The following AGGF1 variants were observed in gnomAD, a reference collection of about 807,000 sequenced individuals.
AGGF1 encodes angiogenic factor with G patch and FHA domains 1.
AGGF1 carries 56 observed loss-of-function variants against 86.5 expected under a neutral mutation model. The ratio of observed to expected loss-of-function variants is 0.65; its 90% CI spans 0.52 to 0.81. The LOEUF (loss-of-function observed/expected upper bound fraction) is 0.81, where lower values mean the gene tolerates loss of function less well. AGGF1 is among the 30% of genes least tolerant of loss of function. AGGF1 has a pLI of 0.00. For missense variants in AGGF1, 816 were observed against 850.9 expected (o/e 0.96, Z 0.51); for synonymous variants, 313 against 297.1 (o/e 1.05, Z -0.55).
chr5:77,032,289 T>C (rs903344880), intron 1 of AGGF1, among the ~76,000 whole-genome samples: 40 of 142,398 alleles, frequency 2.8e-4, no homozygotes, highest in African/African-American at 9.7e-4. Flanking sequence ...GAGAGGTGGC[T>C]GGGCGCGGTG....
intron 8 of AGGF1, among the ~76,000 whole-genome samples, chr5:77,049,724 G>A (rs1747335382): frequency 6.6e-6 from 1 of 151,854 alleles, no homozygotes; most frequent in Non-Finnish European, 1.5e-5. Flanking sequence ...TAATCTTTAT[G>A]TATTTCATAG....
At position 77,048,936 on chromosome 5, in the gene AGGF1, A is replaced by G. The variant is rs1297705644; in HGVS notation, c.1314A>G (p.Arg438=). ...AAAGACACTTTACTTAACTCTGCAG[A>G]GAAAAGGATATGGAACATACTCTCC... ...ITAVNPATIG[R]EKDMEHTLRI... The change falls in exon 8 of 14, where the codon AGA becomes AGG. Residue 438 remains arginine, a splice_region_variant and synonymous_variant. Transcript: ENST00000312916. 1.2e-6 allele frequency: 2 copies of G among 1,613,582 alleles called. No individual in the cohort carries two copies. Among genetic ancestry groups the G allele is most frequent in the Admixed American group, 1.7e-5 (1 of 60,000 alleles).
chr5:77,055,677 A>T, intron 11 of AGGF1, 81 bp downstream of exon 11: 1 of 922,556 alleles, frequency 1.1e-6, no homozygotes, highest in Non-Finnish European at 1.7e-6. Context: ...TGCTCAGTAC[A>T]TTTTATATAT....
intron 1 of AGGF1, among the ~76,000 whole-genome samples, chr5:77,031,569 G>A (rs1746854688): frequency 6.6e-6 from 1 of 152,142 alleles, no homozygotes; most frequent in African/African-American, 2.4e-5. Context: ...AAGATGGTAG[G>A]GGCAAATGTT....
intron 10 of AGGF1, among the ~76,000 whole-genome samples, chr5:77,055,204 C>T (rs1747438485): frequency 6.6e-6 from 1 of 152,062 alleles, no homozygotes. Context: ...GCAAAATTTA[C>T]TTAATATTTC....
chr5:77,056,108 AT>A (rs1237542153), intron 11 of AGGF1, among the ~76,000 whole-genome samples: 14 of 152,168 alleles, frequency 9.2e-5, no homozygotes, highest in Admixed American at 7.2e-4. Context: ...GTAGTATCAT[AT>A]TGGCATAAAG....
In AGGF1 at chr5:77,030,718, G is replaced by A. The variant is rs755346528; in HGVS notation, c.-49G>A. 6.5e-7 allele frequency: 1 copy of A among 1,539,482 alleles called. No individual in the cohort carries two copies. The highest frequency in any genetic ancestry group is 2.4e-5 in the East Asian group (1 of 42,070). On this transcript the variant is annotated 5_prime_UTR_variant, in exon 1 of 14. Coordinates refer to ENST00000312916, the MANE Select transcript of AGGF1 (RefSeq NM_018046.5). ...TCTGGGTCCGCCGGCGTCCGTTTCG[G>A]CCTGAACGCAGCCCCTCCGCGGCGA... is the stretch of plus-strand genomic sequence containing the variant.
intron 12 of AGGF1, among the ~76,000 whole-genome samples, chr5:77,060,415 T>C (rs1228506522): frequency 6.6e-6 from 1 of 152,224 alleles, no homozygotes; most frequent in Non-Finnish European, 1.5e-5. Context: ...TCAAATACTT[T>C]TGTTCTTAAT....
chr5:77,049,401 T>G (rs1406675717), intron 8 of AGGF1, among the ~76,000 whole-genome samples: 2 of 152,186 alleles, frequency 1.3e-5, no homozygotes, highest in African/African-American at 4.8e-5. Context: ...TCAGGGTTCT[T>G]GTTTAAAACT....
chr5:77,042,488 G>A (rs1466891648), intron 5 of AGGF1, among the ~76,000 whole-genome samples: 1 of 57,258 alleles, frequency 1.7e-5, no homozygotes, highest in Non-Finnish European at 4.6e-5. Context: ...GCCGGGCGGG[G>A]GGCTGACCCC....
chr5:77,032,000 C>G (rs1170690929), intron 1 of AGGF1, among the ~76,000 whole-genome samples: 2 of 152,098 alleles, frequency 1.3e-5, no homozygotes, highest in Admixed American at 1.3e-4. Flanking sequence ...TAACTAGTTT[C>G]AATTTGACCG....
At chr5:77,057,622 G>A (rs187668814) in intron 11 of AGGF1, among the ~76,000 whole-genome samples, 7 of 152,314 alleles carry the variant, frequency 4.6e-5, no homozygotes, top group African/African-American at 1.2e-4. Context: ...CAAATAGTGA[G>A]CAAGAGATGA....
intron 9 of AGGF1, among the ~76,000 whole-genome samples, chr5:77,053,721 A>G (rs1057137393): frequency 2.6e-5 from 4 of 152,066 alleles, no homozygotes; most frequent in Non-Finnish European, 5.9e-5. Flanking sequence ...TTCTGATTGG[A>G]TAGGGAGACT....
intron 5 of AGGF1, among the ~76,000 whole-genome samples, chr5:77,043,582 G>T (rs1323669778): frequency 9.2e-6 from 1 of 108,894 alleles, no homozygotes; most frequent in African/African-American, 3.1e-5. Flanking sequence ...CCAGGCGGGG[G>T]GCTGACCCCC....
At chr5:77,039,427 A>T in intron 4 of AGGF1, 104 bp from the exon 5 acceptor site, 1 of 872,684 alleles carries the variant, frequency 1.1e-6, no homozygotes, top group Non-Finnish European at 1.8e-6. Flanking sequence ...AAAATACTAT[A>T]GTTGTTCAAA....
At chr5:77,053,389 T>C (rs1747408322) in intron 9 of AGGF1, among the ~76,000 whole-genome samples, 1 of 152,050 alleles carries the variant, frequency 6.6e-6, no homozygotes, top group Non-Finnish European at 1.5e-5. Context: ...CGTGGTGGTG[T>C]GTGCCTGTTA....
chr5:77,054,231 TAC>T, intron 10 of AGGF1, 101 bp downstream of exon 10: 3 of 1,350,584 alleles, frequency 2.2e-6, no homozygotes, highest in Non-Finnish European at 3.2e-6. Flanking sequence ...GTCTAATTGA[TAC>T]GATACTGCAT....
intron 12 of AGGF1, among the ~76,000 whole-genome samples, chr5:77,060,600 GTTAAAA>G (rs1315787378): frequency 2.6e-5 from 4 of 151,878 alleles, no homozygotes; most frequent in African/African-American, 9.7e-5. Flanking sequence ...TTTGAGTTTA[GTTAAAA>G]TTTAAATTTT....
At chr5:77,043,351 GCGGGGGTC>G (rs1747164178) in intron 5 of AGGF1, among the ~76,000 whole-genome samples, 1 of 44,238 alleles carries the variant, frequency 2.3e-5, no homozygotes, top group African/African-American at 9.3e-5. Flanking sequence ...GGCTGGCCGG[GCGGGGGTC>G]TGACCCCCCC....
Sources: gnomAD v4.1 joint callset for allele counts (sites outside exome capture counted in the v4.1 genomes callset) on GRCh38, gnomAD v4.1.1 for gene constraint, MANE v1.5 for transcripts, NCBI Gene and HGNC (gene_info 2026-07-23, HGNC 2026-07-21) for gene names.